The following CDH8 variants were observed in gnomAD, a reference collection of about 807,000 sequenced individuals.
CDH8 encodes the protein cadherin-8.
In CDH8, 17 loss-of-function variants were observed where a neutral mutation model predicts 68.1. The ratio of observed to expected loss-of-function variants is 0.25; its 90% CI spans 0.17 to 0.37. CDH8 has a LOEUF of 0.37. Among genes scored for constraint, CDH8 ranks in the 10% least tolerant of loss-of-function variants. CDH8 has a pLI of 1.00. For synonymous variants in CDH8, 372 were observed against 365.1 expected (o/e 1.02, Z -0.21); for missense variants, 763 against 999.3 (o/e 0.76, Z 3.19).
chr16:61,735,596 T>C (rs2142912034), intron 8 of CDH8, among the ~76,000 whole-genome samples: 1 of 152,270 alleles, frequency 6.6e-6, no homozygotes, highest in South Asian at 2.1e-4. Flanking sequence ...TAATCCATAG[T>C]ATTTTAAGAA....
chr16:62,021,287 C>A lies in CDH8; in HGVS notation c.117G>T (p.Met39Ile). Residue 39 changes from methionine (M) to isoleucine (I), a missense_variant, in exon 2 of 12, where the codon ATG (methionine) becomes ATT (isoleucine). Physicochemically the swap from Met to Ile is conservative, Grantham distance 10 (BLOSUM62 1). Coordinates refer to ENST00000577390, the MANE Select transcript of CDH8 (RefSeq NM_001796.5). Reference protein sequence around the residue: ...MAPMNQSQVLMSGSPLELNSL... With the variant: ...MAPMNQSQVLISGSPLELNSL... ...TGTTTAGTTCCAAAGGGGATCCACT[C>A]ATTAAAACTTGAGACTGATTCATCG... is the stretch of plus-strand genomic sequence containing the variant. The A allele has an allele frequency of 1.2e-6, 2 of 1,613,950 alleles. No individual in the cohort carries two copies. The highest frequency in any genetic ancestry group is 1.7e-6 in the Non-Finnish European group (2 of 1,179,920).
chr16:62,031,142 ATTCTTTG>A (rs1902315656), intron 1 of CDH8, among the ~76,000 whole-genome samples: 1 of 152,182 alleles, frequency 6.6e-6, no homozygotes, highest in Admixed American at 6.5e-5. Flanking sequence ...GTTTAATAGC[ATTCTTTG>A]ATGCAAGTCT....
intron 2 of CDH8, among the ~76,000 whole-genome samples, chr16:61,964,155 C>A (rs1965205846): frequency 6.6e-6 from 1 of 152,174 alleles, no homozygotes. Flanking sequence ...AGTCACAAAA[C>A]CATCACTAAA....
chr16:61,925,163 A>G (rs1964436577), intron 2 of CDH8, among the ~76,000 whole-genome samples: 1 of 152,226 alleles, frequency 6.6e-6, no homozygotes, highest in African/African-American at 2.4e-5. Context: ...CTGTGCTTAC[A>G]CTAATTGAAA....
chr16:61,733,928 CATA>C (rs1959605677), intron 8 of CDH8, among the ~76,000 whole-genome samples: 1 of 151,912 alleles, frequency 6.6e-6, no homozygotes, highest in Admixed American at 6.6e-5. Flanking sequence ...TAATCTAACC[CATA>C]ATCTTAAATA....
intron 8 of CDH8, among the ~76,000 whole-genome samples, chr16:61,760,787 T>C (rs1960445585): frequency 6.6e-6 from 1 of 152,096 alleles, no homozygotes; most frequent in Non-Finnish European, 1.5e-5. Context: ...AAGAAACATC[T>C]AGCAAGTCAC....
At chr16:61,847,904 GACAA>G (rs1962846087) in intron 4 of CDH8, among the ~76,000 whole-genome samples, 1 of 96,266 alleles carries the variant, frequency 1.0e-5, no homozygotes, top group African/African-American at 5.2e-5. Flanking sequence ...CACACACACA[GACAA>G]ACACACACAC....
chr16:61,896,206 C>G (rs1266874327), intron 3 of CDH8, among the ~76,000 whole-genome samples: 1 of 152,184 alleles, frequency 6.6e-6, no homozygotes, highest in Admixed American at 6.5e-5. Context: ...ACAAGCTCAT[C>G]AAGTCATGAA....
Position 61,652,674 on chromosome 16 carries a change from AT to A in CDH8, c.*933del. 5 of 1,179,548 alleles carry A rather than the reference AT, an allele frequency of 4.2e-6. No individual in the cohort carries two copies. The highest frequency in any genetic ancestry group is 4.3e-6 in the Non-Finnish European group (4 of 930,844). The allele number at this position is 1,179,548 out of a possible 1,614,324, so 73.1% of individuals were successfully genotyped here. On this transcript the variant is annotated 3_prime_UTR_variant, in exon 12 of 12. Coordinates refer to ENST00000577390, the MANE Select transcript of CDH8 (RefSeq NM_001796.5). ...ACAATCTAAAGGATTATTAATGGAT[AT>A]AATTTAGTTTTTTCCCATATATCCC...
At chr16:61,666,262 C>T (rs971199790) in intron 10 of CDH8, among the ~76,000 whole-genome samples, 1 of 151,238 alleles carries the variant, frequency 6.6e-6, no homozygotes, top group African/African-American at 2.4e-5. Context: ...AGCATCCAGT[C>T]TGGGTTTGGA....
chr16:61,716,724 T>C (rs2142873340), intron 9 of CDH8, among the ~76,000 whole-genome samples: 1 of 151,848 alleles, frequency 6.6e-6, no homozygotes, highest in South Asian at 2.1e-4. Flanking sequence ...AAATATCCCA[T>C]AAACTGGTTA....
In CDH8 at chr16:61,891,076, T is replaced by C. The variant is rs1053895682; in HGVS notation, c.547+10103A>G. ...TTGTTAGCATAGCTTTATATATATA[T>C]TTTATACATATAATATATAAGGTTG... On this transcript the variant is annotated intron_variant, in intron 3 of 11. Transcript: ENST00000577390. 5.9e-5 allele frequency among the ~76,000 whole-genome samples: 9 copies of C among 151,834 alleles called. 1 individual carries two copies. Among genetic ancestry groups the C allele is most frequent in the African/African-American group, 2.2e-4 (9 of 41,370 alleles).
chr16:61,933,805 A>G (rs1266431843), intron 2 of CDH8, among the ~76,000 whole-genome samples: 1 of 152,162 alleles, frequency 6.6e-6, no homozygotes, highest in Non-Finnish European at 1.5e-5. Context: ...AAGGTCTCAT[A>G]TGGTCTAGTA....
chr16:61,875,184 CTT>C (rs149789155), intron 3 of CDH8, among the ~76,000 whole-genome samples: 2 of 149,714 alleles, frequency 1.3e-5, no homozygotes, highest in African/African-American at 4.9e-5. Context: ...GTCAACATTA[CTT>C]TTTTTTTTCA....
rs1459085244 is a variant in CDH8 at position 62,006,958 on chromosome 16, A to G, written c.252+14194T>C. On this transcript the variant is annotated intron_variant, in intron 2 of 11. Coordinates refer to ENST00000577390, the MANE Select transcript of CDH8 (RefSeq NM_001796.5). Reference sequence around the variant, plus strand: ...AGTCTCACTCTGTCGCCCAGGCTGGAGTACAGTGGCACAATCTTGGCTCAC... The same window carrying G: ...AGTCTCACTCTGTCGCCCAGGCTGGGGTACAGTGGCACAATCTTGGCTCAC... 5.3e-5 allele frequency among the ~76,000 whole-genome samples: 8 copies of G among 150,306 alleles called. No individual in the cohort carries two copies. In the East Asian group the frequency reaches 1.6e-3, roughly 30 times the overall value.
At chr16:61,765,619 C>T (rs963274740) in intron 8 of CDH8, among the ~76,000 whole-genome samples, 3 of 151,982 alleles carry the variant, frequency 2.0e-5, no homozygotes, top group Non-Finnish European at 4.4e-5. Context: ...TTTCTCCCCT[C>T]TGGGCTTTAA....
chr16:61,652,504 G>A lies in CDH8; in HGVS notation c.*1104C>T, dbSNP rs16963765. ...AACAGTCCAAAAGTTTGTCTGGGAA[G>A]ATGCTGTTCCTGCCATCTCCAGTTA... On this transcript the variant is annotated 3_prime_UTR_variant, in exon 12 of 12. Coordinates refer to ENST00000577390, the MANE Select transcript of CDH8 (RefSeq NM_001796.5). 0.13 allele frequency: 126,571 copies of A among 998,444 alleles called. 8,663 individuals are homozygous for A. The highest frequency in any genetic ancestry group is 0.2 in the African/African-American group (11,685 of 58,022). The allele number at this position is 998,444 out of a possible 1,614,324, so 61.8% of individuals were successfully genotyped here.
At chr16:61,855,549 A>T (rs184408928) in intron 4 of CDH8, among the ~76,000 whole-genome samples, 1 of 152,206 alleles carries the variant, frequency 6.6e-6, no homozygotes, top group East Asian at 1.9e-4. Flanking sequence ...GTGAATGTGT[A>T]TAGGTATGTC....
intron 2 of CDH8, among the ~76,000 whole-genome samples, chr16:61,931,505 A>G (rs896774845): frequency 6.6e-6 from 1 of 152,068 alleles, no homozygotes; most frequent in Admixed American, 6.6e-5. Flanking sequence ...AAAAACATTC[A>G]TTAGGAATCA....
Sources: allele counts gnomAD v4.1 joint callset (sites outside exome capture counted in the v4.1 genomes callset), GRCh38; gene constraint gnomAD v4.1.1; transcripts MANE v1.5; gene names NCBI Gene and HGNC (gene_info 2026-07-23, HGNC 2026-07-21).